SRGAP3: variants seen among roughly 807,000 people sequenced by gnomAD.
The protein encoded by SRGAP3 is SLIT-ROBO Rho GTPase-activating protein 3.
SRGAP3 carries 39 observed loss-of-function variants against 121.1 expected under a neutral mutation model. That is an observed-to-expected ratio of 0.32 (90% confidence interval 0.25 to 0.42). SRGAP3 has a LOEUF of 0.42. Ranked by LOEUF, SRGAP3 falls within the 10% of genes least tolerant of loss-of-function variation. The probability of loss-of-function intolerance (pLI) is 1.00; values close to 1 mark genes in which losing one functional copy is unlikely to be tolerated. For synonymous variants in SRGAP3, 601 were observed against 570.0 expected (o/e 1.05, Z -0.77); for missense variants, 1,213 against 1,470.6 (o/e 0.82, Z 2.86).
At chr3:9,290,874 C>T (rs1165909582) in intron 3 of SRGAP3, among the ~76,000 whole-genome samples, 1 of 152,138 alleles carries the variant, frequency 6.6e-6, no homozygotes, top group African/African-American at 2.4e-5. Flanking sequence ...AGAATGAAAA[C>T]TCTCAGAGTA....
chr3:9,259,815 T>A (rs1003720523), intron 3 of SRGAP3, among the ~76,000 whole-genome samples: 4 of 145,076 alleles, frequency 2.8e-5, no homozygotes, highest in Non-Finnish European at 4.6e-5. Context: ...GTTGGCTTCA[T>A]TTAATGAGTT....
chr3:9,015,470 G>T, intron 15 of SRGAP3, 127 bp downstream of exon 15: 1 of 1,232,800 alleles, frequency 8.1e-7, no homozygotes, highest in Non-Finnish European at 1.2e-6. Context: ...TCAGTTCTAC[G>T]AGGATGCACG....
At chr3:9,236,849 G>A (rs1415513081) in intron 1 of SRGAP3, among the ~76,000 whole-genome samples, 1 of 152,112 alleles carries the variant, frequency 6.6e-6, no homozygotes, top group African/African-American at 2.4e-5. Flanking sequence ...GCAAAAATTG[G>A]TGAAATATAG....
At chr3:9,185,221 G>C (rs1198170325) in intron 1 of SRGAP3, among the ~76,000 whole-genome samples, 1 of 152,180 alleles carries the variant, frequency 6.6e-6, no homozygotes, top group Non-Finnish European at 1.5e-5. Flanking sequence ...TGCCTGCCTG[G>C]ATTCCAACCT....
intron 3 of SRGAP3, among the ~76,000 whole-genome samples, chr3:9,084,644 G>T (rs2125278465): frequency 6.6e-6 from 1 of 152,250 alleles, no homozygotes; most frequent in East Asian, 1.9e-4. Context: ...CATCCTAAGG[G>T]ATTCAGTCCT....
intron 2 of SRGAP3, among the ~76,000 whole-genome samples, chr3:9,328,539 T>C (rs979823617): frequency 6.6e-6 from 1 of 152,240 alleles, no homozygotes; most frequent in Non-Finnish European, 1.5e-5. Flanking sequence ...TATCCAATTT[T>C]AGCCAGGCCA....
intron 1 of SRGAP3, among the ~76,000 whole-genome samples, chr3:9,134,385 T>C (rs1265961201): frequency 2.0e-5 from 3 of 152,098 alleles, no homozygotes; most frequent in Non-Finnish European, 4.4e-5. Flanking sequence ...AGCTGGTACC[T>C]TCCCAGTGTA....
chr3:9,103,344 C>T (rs555522441), intron 3 of SRGAP3, among the ~76,000 whole-genome samples: 60 of 152,274 alleles, frequency 3.9e-4, no homozygotes, highest in Middle Eastern at 3.4e-3. Context: ...CTCTTAAATT[C>T]GCATAATAAT....
At chr3:9,208,709 G>T (rs1952345761) in intron 1 of SRGAP3, among the ~76,000 whole-genome samples, 1 of 152,188 alleles carries the variant, frequency 6.6e-6, no homozygotes. Context: ...GCTTCAGGAA[G>T]GGAGGATGGA....
chr3:9,309,359 C>A (rs1426828139), intron 3 of SRGAP3, among the ~76,000 whole-genome samples: 1 of 152,306 alleles, frequency 6.6e-6, no homozygotes, highest in East Asian at 1.9e-4. Flanking sequence ...TTCCCTGTAA[C>A]CTTCACTACC....
At chr3:9,304,474 G>A (rs996977431) in intron 3 of SRGAP3, among the ~76,000 whole-genome samples, 1 of 152,174 alleles carries the variant, frequency 6.6e-6, no homozygotes, top group East Asian at 1.9e-4. Context: ...CATTCACTCT[G>A]TGCTCAGCAT....
Position 9,038,049 on chromosome 3 carries a change from T to A in SRGAP3, c.1436+14A>T, listed in dbSNP as rs1384892444. Reference sequence around the variant, plus strand: ...GGCAGCAGATGAAAGAAAACACAACTCTCCCACTCTCACCTGGTGGTGCCG... The same window carrying A: ...GGCAGCAGATGAAAGAAAACACAACACTCCCACTCTCACCTGGTGGTGCCG... On this transcript the variant is annotated intron_variant, in intron 11 of 21. Transcript: ENST00000383836. The A allele has an allele frequency of 6.2e-7, 1 of 1,613,848 alleles. No homozygotes were observed. The highest frequency in any genetic ancestry group is 8.5e-7 in the Non-Finnish European group (1 of 1,179,992).
intron 5 of SRGAP3, among the ~76,000 whole-genome samples, chr3:9,062,907 A>G (rs926150037): frequency 2.0e-5 from 3 of 152,194 alleles, no homozygotes; most frequent in Non-Finnish European, 2.9e-5. Flanking sequence ...GTTGAGTCAC[A>G]TGGTAACTTA....
intron 3 of SRGAP3, among the ~76,000 whole-genome samples, chr3:9,089,288 TGGGCGGGGGGGGGGGGG>T (rs1168105073): frequency 8.1e-4 from 1 of 1,242 alleles, no homozygotes; most frequent in Non-Finnish European, 2.0e-3. Context: ...ATAAGTGGGG[TGGGCGGGGGGGGGGGGG>T]GGGCTGGAGG....
chr3:8,997,711 A>C (rs1942490241), intron 18 of SRGAP3, among the ~76,000 whole-genome samples: 1 of 152,216 alleles, frequency 6.6e-6, no homozygotes, highest in Non-Finnish European at 1.5e-5. Flanking sequence ...TTTCACAGTG[A>C]ACATGCATGG....
At chr3:9,255,869 C>CT (rs1487597873) in intron 3 of SRGAP3, among the ~76,000 whole-genome samples, 2 of 152,106 alleles carry the variant, frequency 1.3e-5, no homozygotes, top group Non-Finnish European at 2.9e-5. Context: ...TCACACAGTC[C>CT]TTTGAGATAG....
chr3:9,348,953 C>G, intron 1 of SRGAP3: 1 of 941,132 alleles, frequency 1.1e-6, no homozygotes. Context: ...AGAAATAGTT[C>G]CCCAGATCAA....
chr3:9,314,637 C>A (rs1261844724), intron 3 of SRGAP3, among the ~76,000 whole-genome samples: 3 of 151,906 alleles, frequency 2.0e-5, no homozygotes, highest in African/African-American at 4.8e-5. Flanking sequence ...GTCCAGCCTG[C>A]CCTCCTCTCC....
intron 2 of SRGAP3, among the ~76,000 whole-genome samples, chr3:9,116,568 G>T (rs756398200): frequency 6.6e-5 from 10 of 152,194 alleles, no homozygotes; most frequent in Non-Finnish European, 1.5e-4. Context: ...TCAACCAACA[G>T]CAGGGGCTTC....
Sources: allele counts gnomAD v4.1 joint callset (sites outside exome capture counted in the v4.1 genomes callset), GRCh38; gene constraint gnomAD v4.1.1; transcripts MANE v1.5; gene names NCBI Gene and HGNC (gene_info 2026-07-23, HGNC 2026-07-21).